The following ZNF804B variants were observed in gnomAD, a reference collection of about 807,000 sequenced individuals.
ZNF804B encodes zinc finger 804B.
Under a neutral mutation model 101.4 loss-of-function variants are expected in ZNF804B, and 80 were observed. The ratio of observed to expected loss-of-function variants is 0.79; its 90% CI spans 0.66 to 0.95. The LOEUF is 0.95. Among genes scored for constraint, ZNF804B ranks in the 40% least tolerant of loss-of-function variants. ZNF804B has a pLI of 0.00. For missense variants in ZNF804B, 1,673 were observed against 1,561.9 expected, an observed-to-expected ratio of 1.07 and a Z score of -1.20; for synonymous variants, 622 against 558.8, an observed-to-expected ratio of 1.11 and a Z score of -1.59.
chr7:88,955,029 G>A (rs1793282713), intron 1 of ZNF804B, among the ~76,000 whole-genome samples: 1 of 150,806 alleles, frequency 6.6e-6, no homozygotes, highest in African/African-American at 2.4e-5. Context: ...GGGTGGCTGA[G>A]GCGGGAGGAT....
At chr7:89,299,183 T>TTTAATCACA (rs1790438411) in intron 2 of ZNF804B, among the ~76,000 whole-genome samples, 1 of 152,072 alleles carries the variant, frequency 6.6e-6, no homozygotes, top group Non-Finnish European at 1.5e-5. Context: ...GCAAACTGTC[T>TTTAATCACA]GCTTTTCAGT....
intron 1 of ZNF804B, among the ~76,000 whole-genome samples, chr7:88,772,531 A>C (rs1292095114): frequency 6.6e-6 from 1 of 152,234 alleles, no homozygotes; most frequent in South Asian, 2.1e-4. Context: ...TACATAGTAC[A>C]TAAGCATCCC....
intron 1 of ZNF804B, among the ~76,000 whole-genome samples, chr7:88,837,298 C>T (rs1358860006): frequency 6.6e-6 from 1 of 151,750 alleles, no homozygotes; most frequent in Admixed American, 6.6e-5. Context: ...ATATTTGTTG[C>T]CAGTGATAAA....
At chr7:88,864,296 G>T (rs896168008) in intron 1 of ZNF804B, among the ~76,000 whole-genome samples, 1 of 152,178 alleles carries the variant, frequency 6.6e-6, no homozygotes, top group African/African-American at 2.4e-5. Context: ...ATGAGACAAC[G>T]AATATATACT....
chr7:88,923,043 T>C (rs577086091), intron 1 of ZNF804B, among the ~76,000 whole-genome samples: 1 of 152,222 alleles, frequency 6.6e-6, no homozygotes, highest in African/African-American at 2.4e-5. Context: ...TTCCAGTCTC[T>C]CCTCATTTAA....
chr7:89,265,692 T>G (rs1789782028), intron 2 of ZNF804B, among the ~76,000 whole-genome samples: 1 of 152,232 alleles, frequency 6.6e-6, no homozygotes, highest in Non-Finnish European at 1.5e-5. Flanking sequence ...CAATAACAAT[T>G]ATTCAAAAAA....
chr7:89,162,101 T>C (rs1279779884), intron 1 of ZNF804B, among the ~76,000 whole-genome samples: 2 of 151,756 alleles, frequency 1.3e-5, no homozygotes, highest in East Asian at 3.9e-4. Context: ...TTTCAGTCTG[T>C]AGCATGTGGA....
chr7:88,788,697 A>G (rs1790338051), intron 1 of ZNF804B, among the ~76,000 whole-genome samples: 1 of 152,138 alleles, frequency 6.6e-6, no homozygotes, highest in Admixed American at 6.6e-5. Context: ...TATAACACAT[A>G]TTTGTTAAAT....
rs562192542 is a variant in ZNF804B, at chr7:88,898,864, A to G, written c.108+138780A>G. Among the ~76,000 whole-genome samples, 13 of 152,248 alleles carry G rather than the reference A, an allele frequency of 8.5e-5. No individual in the cohort carries two copies. In the Middle Eastern group the frequency reaches 0.017, roughly 199 times the overall value. ...GCTCCTGCTTCAGGGTGATAGCTTCACTGGTTCACATCATCATGCTCAGCC... is the reference window on the plus strand; with the variant it reads ...GCTCCTGCTTCAGGGTGATAGCTTCGCTGGTTCACATCATCATGCTCAGCC... On this transcript the variant is annotated intron_variant, in intron 1 of 3. Transcript: ENST00000333190.
chr7:88,767,770 A>C (rs981978492), intron 1 of ZNF804B, among the ~76,000 whole-genome samples: 2 of 152,242 alleles, frequency 1.3e-5, no homozygotes, highest in Non-Finnish European at 2.9e-5. Flanking sequence ...ATCCGTCCAC[A>C]TGATTCTACT....
chr7:89,149,633 G>A (rs778938741), intron 1 of ZNF804B, among the ~76,000 whole-genome samples: 37 of 151,876 alleles, frequency 2.4e-4, no homozygotes, highest in Non-Finnish European at 4.4e-4. Flanking sequence ...TGAGATAAGA[G>A]TTTCATTACT....
At chr7:88,898,866 T>C (rs1792347464) in intron 1 of ZNF804B, among the ~76,000 whole-genome samples, 1 of 152,178 alleles carries the variant, frequency 6.6e-6, no homozygotes, top group Non-Finnish European at 1.5e-5. Context: ...ATAGCTTCAC[T>C]GGTTCACATC....
intron 1 of ZNF804B, among the ~76,000 whole-genome samples, chr7:89,034,730 T>G (rs772379460): frequency 3.3e-5 from 5 of 152,202 alleles, no homozygotes; most frequent in Non-Finnish European, 5.9e-5. Context: ...TATATCTTTA[T>G]AGTGGAATGA....
chr7:88,824,006 G>A (rs535591199), intron 1 of ZNF804B, among the ~76,000 whole-genome samples: 1 of 152,214 alleles, frequency 6.6e-6, no homozygotes, highest in South Asian at 2.1e-4. Context: ...GATGCTCGCT[G>A]GCCTGCTACT....
chr7:89,283,306 A>T (rs1440262363), intron 2 of ZNF804B, among the ~76,000 whole-genome samples: 2 of 152,254 alleles, frequency 1.3e-5, no homozygotes, highest in African/African-American at 4.8e-5. Flanking sequence ...TTAAAAAAAG[A>T]GATGAAAGTT....
intron 2 of ZNF804B, among the ~76,000 whole-genome samples, chr7:89,299,690 C>A (rs1234711055): frequency 6.6e-6 from 1 of 152,044 alleles, no homozygotes; most frequent in African/African-American, 2.4e-5. Context: ...ACGTGACTCA[C>A]TGCTCTAAAA....
chr7:88,795,167 A>G (rs759000788), intron 1 of ZNF804B: 20 of 388,042 alleles, frequency 5.2e-5, no homozygotes, highest in Non-Finnish European at 7.8e-5. Flanking sequence ...TGTTAAAACA[A>G]TACTCAAACT....
intron 1 of ZNF804B, among the ~76,000 whole-genome samples, chr7:88,915,435 A>T (rs1792617211): frequency 6.6e-6 from 1 of 152,072 alleles, no homozygotes; most frequent in East Asian, 1.9e-4. Flanking sequence ...ACAGAAACTT[A>T]AAAATAAGTT....
At chr7:89,196,066 A>T (rs1432933071) in intron 1 of ZNF804B, among the ~76,000 whole-genome samples, 1 of 152,154 alleles carries the variant, frequency 6.6e-6, no homozygotes. Flanking sequence ...TAGAATTCAT[A>T]TGGAACCAAA....
Sources: allele counts gnomAD v4.1 joint callset (sites outside exome capture counted in the v4.1 genomes callset), GRCh38; gene constraint gnomAD v4.1.1; transcripts MANE v1.5; gene names NCBI Gene and HGNC (gene_info 2026-07-23, HGNC 2026-07-21).